SV2C: variants seen among roughly 807,000 people sequenced by gnomAD.
SV2C encodes the protein solute carrier family 22 member B3.
SV2C carries 49 observed loss-of-function variants against 79.7 expected under a neutral mutation model. The ratio of observed to expected loss-of-function variants is 0.61; its 90% CI spans 0.49 to 0.78. The LOEUF is 0.78. Among genes scored for constraint, SV2C ranks in the 30% least tolerant of loss-of-function variants. The pLI, the probability that SV2C is intolerant of heterozygous loss-of-function variation, is 0.00. For missense variants in SV2C, 833 were observed against 912.9 expected (o/e 0.91, Z 1.13); for synonymous variants, 334 against 333.2 (o/e 1.00, Z -0.03).
At chr5:76,040,407 T>C in the SV2C span, among the ~76,000 whole-genome samples, 7 of 152,258 alleles carry the variant, frequency 4.6e-5, no homozygotes, top group African/African-American at 1.7e-4. Flanking sequence ...TTGCATGGTT[T>C]TTCTTCAAAG....
At chr5:75,882,881 A>G in the SV2C span, among the ~76,000 whole-genome samples, 1 of 152,110 alleles carries the variant, frequency 6.6e-6, no homozygotes, top group African/African-American at 2.4e-5. Context: ...AGCAAAAGAA[A>G]CTACCATCAG....
At chr5:75,948,977 G>A in the SV2C span, among the ~76,000 whole-genome samples, 45 of 152,080 alleles carry the variant, frequency 3.0e-4, no homozygotes, top group Non-Finnish European at 4.9e-4. Context: ...GTAATCCCCA[G>A]TGTTGGAGAT....
chr5:75,950,695 G>A, the SV2C span, among the ~76,000 whole-genome samples: 1 of 152,128 alleles, frequency 6.6e-6, no homozygotes, highest in South Asian at 2.1e-4. Context: ...AGTCAAGCTA[G>A]ATATAAGTGG....
At chr5:75,956,599 G>A in the SV2C span, among the ~76,000 whole-genome samples, 358 of 152,010 alleles carry the variant, frequency 2.4e-3, 3 homozygotes, top group African/African-American at 8.3e-3. Context: ...GGGTAGCTCG[G>A]GTTGAAAATT....
chr5:76,227,369 T>C (rs73766714), intron 4 of SV2C, among the ~76,000 whole-genome samples: 9,309 of 151,952 alleles, frequency 0.061, 908 homozygotes, highest in African/African-American at 0.21. Context: ...TCCACAAACA[T>C]AGAGAAAGAA....
chr5:75,973,678 G>A, the SV2C span, among the ~76,000 whole-genome samples: 1 of 151,990 alleles, frequency 6.6e-6, no homozygotes, highest in South Asian at 2.1e-4. Flanking sequence ...TCAGGATTAT[G>A]ACAGACTATA....
At chr5:76,173,947 T>G in intron 2 of SV2C, 1 of 1,570,372 alleles carries the variant, frequency 6.4e-7, no homozygotes, top group Non-Finnish European at 8.8e-7. Flanking sequence ...AATAAACTAA[T>G]GCAAACCCTT....
At chr5:76,032,803 G>A in the SV2C span, among the ~76,000 whole-genome samples, 1 of 152,142 alleles carries the variant, frequency 6.6e-6, no homozygotes, top group Admixed American at 6.5e-5. Context: ...TCTAGCTCTA[G>A]ACCCCGGAAA....
At chr5:75,940,775 G>A in the SV2C span, among the ~76,000 whole-genome samples, 1 of 152,198 alleles carries the variant, frequency 6.6e-6, no homozygotes, top group Non-Finnish European at 1.5e-5. Context: ...TTAATGGTTG[G>A]AGGGACTTAA....
the SV2C span, among the ~76,000 whole-genome samples, chr5:75,897,486 T>G: frequency 4.0e-4 from 61 of 152,268 alleles, no homozygotes; most frequent in Admixed American, 3.5e-3. Context: ...TAGTATAGTT[T>G]GAAGTCAGGT....
chr5:75,899,860 T>C, the SV2C span, among the ~76,000 whole-genome samples: 2 of 152,140 alleles, frequency 1.3e-5, no homozygotes, highest in South Asian at 4.1e-4. Flanking sequence ...TGGTTTAAAG[T>C]CTGTTTTATC....
At chr5:76,035,629 G>A in the SV2C span, among the ~76,000 whole-genome samples, 4 of 150,110 alleles carry the variant, frequency 2.7e-5, no homozygotes, top group East Asian at 7.8e-4. Flanking sequence ...TTTAATTTCT[G>A]TTCTTTTACA....
chr5:76,287,594 T>A (rs1167294736), intron 6 of SV2C, among the ~76,000 whole-genome samples: 2 of 152,094 alleles, frequency 1.3e-5, no homozygotes, highest in Non-Finnish European at 2.9e-5. Flanking sequence ...ATCCCTCAGC[T>A]CCTCACACTC....
chr5:76,312,110 G>A (rs773063530), intron 12 of SV2C, among the ~76,000 whole-genome samples: 3 of 152,200 alleles, frequency 2.0e-5, no homozygotes, highest in African/African-American at 4.8e-5. Flanking sequence ...CTCCCGCGGT[G>A]TAGGCCTGTT....
chr5:76,096,496 C>T (rs774155046), intron 1 of SV2C, among the ~76,000 whole-genome samples: 3 of 152,134 alleles, frequency 2.0e-5, no homozygotes, highest in Non-Finnish European at 4.4e-5. Context: ...CTGAGCATGG[C>T]TGGGGTTTTT....
the SV2C span, among the ~76,000 whole-genome samples, chr5:76,011,726 C>T: frequency 1.1e-3 from 163 of 152,120 alleles, 1 homozygote; most frequent in Admixed American, 4.3e-3. Context: ...CCGTCATCTA[C>T]GCTAGGTATT....
the SV2C span, among the ~76,000 whole-genome samples, chr5:75,890,547 G>A: frequency 6.6e-6 from 1 of 152,112 alleles, no homozygotes; most frequent in African/African-American, 2.4e-5. Context: ...AACATCAGAA[G>A]TTGAAGTCAT....
the SV2C span, among the ~76,000 whole-genome samples, chr5:75,880,588 C>T: frequency 6.6e-6 from 1 of 152,206 alleles, no homozygotes; most frequent in African/African-American, 2.4e-5. Flanking sequence ...ATAAGTTCCT[C>T]ATTTCCATCT....
chr5:76,108,654 C>A (rs1377901972), intron 1 of SV2C, among the ~76,000 whole-genome samples: 3 of 152,016 alleles, frequency 2.0e-5, no homozygotes, highest in African/African-American at 7.2e-5. Context: ...CATTGGATAA[C>A]CTTAACTTCA....
Sources: gnomAD v4.1 joint callset for allele counts (sites outside exome capture counted in the v4.1 genomes callset) on GRCh38, gnomAD v4.1.1 for gene constraint, MANE v1.5 for transcripts, NCBI Gene and HGNC (gene_info 2026-07-23, HGNC 2026-07-21) for gene names.